EFCAB6: variants seen among roughly 807,000 people sequenced by gnomAD.
EFCAB6 encodes EF-hand calcium binding domain 6.
Under a neutral mutation model 169.8 loss-of-function variants are expected in EFCAB6, and 156 were observed. The observed-to-expected ratio is 0.92, with a 90% CI of 0.81 to 1.05. EFCAB6 has a LOEUF of 1.05. Ranked by LOEUF, EFCAB6 falls within the 50% of genes least tolerant of loss-of-function variation. The probability of loss-of-function intolerance (pLI) is 0.00; values close to 1 mark genes in which losing one functional copy is unlikely to be tolerated. For missense variants in EFCAB6, 1,800 were observed against 1,829.1 expected (o/e 0.98, Z 0.29); for synonymous variants, 698 against 676.4 (o/e 1.03, Z -0.50).
At chr22:43,727,477 A>G (rs1026052706) in intron 8 of EFCAB6, among the ~76,000 whole-genome samples, 1 of 152,218 alleles carries the variant, frequency 6.6e-6, no homozygotes, top group Admixed American at 6.5e-5. Context: ...AAATTGTAAA[A>G]TAACAGTGTT....
chr22:43,542,734 T>G (rs531471625), intron 27 of EFCAB6, among the ~76,000 whole-genome samples: 1 of 152,186 alleles, frequency 6.6e-6, no homozygotes, highest in South Asian at 2.1e-4. Flanking sequence ...CCAGTCTCCA[T>G]GGAGGCACCT....
intron 10 of EFCAB6, among the ~76,000 whole-genome samples, chr22:43,699,678 G>A (rs1261210836): frequency 6.6e-6 from 1 of 151,956 alleles, no homozygotes; most frequent in South Asian, 2.1e-4. Context: ...CTAACCCATA[G>A]CCCTGTTAAC....
intron 6 of EFCAB6, among the ~76,000 whole-genome samples, chr22:43,752,637 T>A (rs1362240304): frequency 1.3e-5 from 2 of 152,140 alleles, no homozygotes; most frequent in African/African-American, 4.8e-5. Flanking sequence ...GGACTTTCTC[T>A]TGTTTTTAGA....
intron 19 of EFCAB6, among the ~76,000 whole-genome samples, chr22:43,627,730 C>T (rs763057417): frequency 6.6e-6 from 1 of 152,116 alleles, no homozygotes; most frequent in Non-Finnish European, 1.5e-5. Flanking sequence ...GCTGCTCTGG[C>T]GGCATTGCGC....
chr22:43,665,110 T>A (rs575450631), intron 17 of EFCAB6, among the ~76,000 whole-genome samples: 1 of 152,282 alleles, frequency 6.6e-6, no homozygotes, highest in South Asian at 2.1e-4. Context: ...GGTTGTTGTC[T>A]TTGACTGAGA....
intron 9 of EFCAB6, among the ~76,000 whole-genome samples, chr22:43,713,499 G>A (rs924622794): frequency 3.9e-5 from 6 of 152,176 alleles, no homozygotes; most frequent in Admixed American, 2.6e-4. Flanking sequence ...TTGGGGGCAC[G>A]TGGAACAGCA....
intron 8 of EFCAB6, among the ~76,000 whole-genome samples, chr22:43,728,666 T>G (rs1258434703): frequency 1.3e-5 from 2 of 152,244 alleles, no homozygotes; most frequent in Admixed American, 1.3e-4. Context: ...TGACCAGAGA[T>G]GTTGAGCTTT....
intron 17 of EFCAB6, among the ~76,000 whole-genome samples, chr22:43,635,524 TG>T (rs1436591277): frequency 6.6e-6 from 1 of 152,180 alleles, no homozygotes; most frequent in Admixed American, 6.5e-5. Context: ...AAGCCACACT[TG>T]TCACTGCCAT....
intron 24 of EFCAB6, among the ~76,000 whole-genome samples, chr22:43,589,013 G>A (rs1265277792): frequency 6.6e-6 from 1 of 152,008 alleles, no homozygotes; most frequent in Non-Finnish European, 1.5e-5. Context: ...GATGGTTGGT[G>A]GCATGGGATG....
intron 17 of EFCAB6, among the ~76,000 whole-genome samples, chr22:43,644,643 C>T (rs897458922): frequency 6.6e-6 from 1 of 152,146 alleles, no homozygotes; most frequent in East Asian, 1.9e-4. Context: ...ATCACAAAGT[C>T]GAAAAATGTT....
intron 29 of EFCAB6, chr22:43,535,777 C>G (rs1041418331): frequency 7.9e-5 from 12 of 152,270 alleles, no homozygotes; most frequent in African/African-American, 2.9e-4. Context: ...CCAGTGGAAG[C>G]AGACTGCAGG....
At position 43,772,894 on chromosome 22, in the gene EFCAB6, G is replaced by A. The variant is rs576668256; in HGVS notation, c.349C>T (p.Gln117Ter). Residue 117 changes from glutamine to a stop codon, truncating the protein, a stop_gained and splice_region_variant, in exon 4 of 32, where the codon CAG becomes TAG. Transcript: ENST00000262726. LOFTEE classifies it high-confidence loss of function. ...TREQFQDVLAQIPLSTSGTVP... is the reference protein window; with the variant it reads ...TREQFQDVLA ...TAAGTATGTACAACATACAGCACCT[G>A]AGCCAACACGTCCTGAAACTGTTCT... 2 of 1,614,164 alleles carry A rather than the reference G, an allele frequency of 1.2e-6. No homozygotes were observed. The highest frequency in any genetic ancestry group is 1.7e-5 in the Admixed American group (1 of 60,022).
intron 20 of EFCAB6, among the ~76,000 whole-genome samples, chr22:43,624,826 G>A (rs758213480): frequency 1.4e-4 from 21 of 152,182 alleles, no homozygotes; most frequent in Non-Finnish European, 1.9e-4. Flanking sequence ...ATGAATGAGT[G>A]TATACATACA....
intron 22 of EFCAB6, among the ~76,000 whole-genome samples, chr22:43,603,198 A>T (rs1414428496): frequency 6.6e-6 from 1 of 152,236 alleles, no homozygotes; most frequent in Non-Finnish European, 1.5e-5. Flanking sequence ...TCATTAATGA[A>T]GATCGTAAAC....
In EFCAB6 at chr22:43,738,589, ACAC is replaced by A. The variant is rs991282691; in HGVS notation, c.508-2599_508-2597del. On this transcript the variant is annotated intron_variant, in intron 6 of 31. Transcript: ENST00000262726. Reference sequence around the variant, plus strand: ...CACACTTGTACATATAATCACACACACACCATCACTCACACACATATACACCCA... The same window carrying A: ...CACACTTGTACATATAATCACACACACATCACTCACACACATATACACCCA... Among the ~76,000 whole-genome samples, 8 of 152,032 alleles carry A rather than the reference ACAC, an allele frequency of 5.3e-5. No homozygotes were observed. In the East Asian group the frequency reaches 5.8e-4, roughly 11 times the overall value.
At chr22:43,644,161 G>A (rs1174764684) in intron 17 of EFCAB6, among the ~76,000 whole-genome samples, 1 of 152,140 alleles carries the variant, frequency 6.6e-6, no homozygotes, top group Non-Finnish European at 1.5e-5. Context: ...ATTTGGACCT[G>A]CTTTATGTAG....
chr22:43,764,775 G>A (rs1004499757), intron 5 of EFCAB6, among the ~76,000 whole-genome samples: 1 of 151,784 alleles, frequency 6.6e-6, no homozygotes, highest in Admixed American at 6.6e-5. Context: ...TAATTTTACT[G>A]CTGATTGAGA....
At position 43,716,911 on chromosome 22, in the gene EFCAB6, T is replaced by C; in HGVS notation, c.819A>G (p.Ala273=). The C allele has an allele frequency of 2.5e-6, 4 of 1,596,238 alleles. No homozygotes were observed. Among genetic ancestry groups the C allele is most frequent in the Non-Finnish European group, 3.4e-6 (4 of 1,172,340 alleles). ...NSKKERLLGS[A]SSEDIWRNYS... Reference sequence around the variant, plus strand: ...AGTTTCTCCAGATATCTTCAGATGATGCAGAACCTAGCAAACGTTCCTTTT... The same window carrying C: ...AGTTTCTCCAGATATCTTCAGATGACGCAGAACCTAGCAAACGTTCCTTTT... The change falls in exon 9 of 32, where the codon GCA becomes GCG. Residue 273 remains alanine, a synonymous_variant. Transcript: ENST00000262726.
In EFCAB6 at chr22:43,574,308, G is replaced by A. The variant is rs573941412; in HGVS notation, c.3420+1989C>T. On this transcript the variant is annotated intron_variant, in intron 26 of 31. Transcript: ENST00000262726. ...TCATCTCCACCATGTAAAAAAATGC[G>A]TTAGAAAAAAAAAAACTTCTTTAAG... Among the ~76,000 whole-genome samples the A allele has an allele frequency of 1.4e-4, 21 of 151,600 alleles. No homozygotes were observed. The South Asian group carries it at 1.9e-3, about 14-fold the overall frequency.
Sources: allele counts gnomAD v4.1 joint callset (sites outside exome capture counted in the v4.1 genomes callset), GRCh38; gene constraint gnomAD v4.1.1; transcripts MANE v1.5; gene names NCBI Gene and HGNC (gene_info 2026-07-23, HGNC 2026-07-21).